The following TEKT5 variants were observed in gnomAD, a reference collection of about 807,000 sequenced individuals.
TEKT5 encodes tektin-5.
TEKT5 carries 52 observed loss-of-function variants against 48.7 expected under a neutral mutation model. The observed-to-expected ratio is 1.07, with a 90% CI of 0.86 to 1.35. The LOEUF (loss-of-function observed/expected upper bound fraction) is 1.35. Ranked by LOEUF, TEKT5 falls within the 40% of genes most tolerant of loss-of-function variation. The pLI is 0.00. For missense variants in TEKT5, 831 were observed against 641.6 expected (o/e 1.30, Z -3.19); for synonymous variants, 318 against 267.6 (o/e 1.19, Z -1.84).
At chr16:10,671,668 G>A (rs1268886904) in intron 5 of TEKT5, 1 of 152,190 alleles carries the variant, frequency 6.6e-6, no homozygotes, top group African/African-American at 2.4e-5. Context: ...ACATACCCAA[G>A]ACTGGGATAT....
At chr16:10,692,200 G>C (rs1331937658) in intron 1 of TEKT5, among the ~76,000 whole-genome samples, 1 of 152,160 alleles carries the variant, frequency 6.6e-6, no homozygotes, top group Non-Finnish European at 1.5e-5. Context: ...CAGACAGGAT[G>C]GGGGAGTGAG....
intron 5 of TEKT5, among the ~76,000 whole-genome samples, chr16:10,638,995 C>A (rs1403550930): frequency 2.6e-5 from 4 of 152,176 alleles, no homozygotes; most frequent in African/African-American, 9.7e-5. Context: ...ACATAAGGGT[C>A]CCAAAGGCAC....
At chr16:10,673,817 A>AT (rs1290037423) in intron 5 of TEKT5, among the ~76,000 whole-genome samples, 4 of 151,312 alleles carry the variant, frequency 2.6e-5, no homozygotes, top group African/African-American at 9.7e-5. Flanking sequence ...TGCCCAGCTG[A>AT]TTTTTTGTAT....
intron 5 of TEKT5, among the ~76,000 whole-genome samples, chr16:10,646,788 C>T (rs1898077322): frequency 6.6e-6 from 1 of 152,198 alleles, no homozygotes; most frequent in African/African-American, 2.4e-5. Flanking sequence ...AGGAAGGAGG[C>T]CAGCCCTTCA....
chr16:10,681,349 C>T (rs2719718), intron 4 of TEKT5, among the ~76,000 whole-genome samples: 1 of 151,462 alleles, frequency 6.6e-6, no homozygotes, highest in African/African-American at 2.4e-5. Flanking sequence ...TTTGAAGCCA[C>T]GTAGCCTGGC....
chr16:10,632,968 T>C (rs1897860282), intron 6 of TEKT5, among the ~76,000 whole-genome samples: 1 of 151,388 alleles, frequency 6.6e-6, no homozygotes, highest in Non-Finnish European at 1.5e-5. Flanking sequence ...TCTGTCCTCC[T>C]CAGTGGTATG....
Position 10,682,103 on chromosome 16 carries a change from C to T in TEKT5, c.753G>A (p.Arg251=), listed in dbSNP as rs1448960024. 1 of 1,613,978 alleles carries T rather than the reference C, an allele frequency of 6.2e-7. No homozygotes were observed. Among genetic ancestry groups the T allele is most frequent in the Non-Finnish European group, 8.5e-7 (1 of 1,180,018 alleles). Residue 251 remains arginine, a synonymous_variant, in exon 4 of 7, where the codon AGG becomes AGA. Transcript: ENST00000283025. ...GGGCCGAGCTTTTGTCTTCGAGGTC[C>T]CTCTCCAGCACGTGCTGAGCATCCC... The part of the protein sequence containing the change: ...DNRDAQHVLE[R]DLEDKSSAQC...
At chr16:10,683,676 C>T (rs1029132738) in intron 3 of TEKT5, among the ~76,000 whole-genome samples, 6 of 152,176 alleles carry the variant, frequency 3.9e-5, no homozygotes, top group African/African-American at 9.7e-5. Flanking sequence ...CTGCAACTTC[C>T]GCCTCCTGGG....
chr16:10,638,659 G>A (rs953740677), intron 5 of TEKT5, among the ~76,000 whole-genome samples: 3 of 152,220 alleles, frequency 2.0e-5, no homozygotes, highest in African/African-American at 2.4e-5. Flanking sequence ...TCACCTGCTA[G>A]AGATGCACCT....
intron 4 of TEKT5, among the ~76,000 whole-genome samples, chr16:10,678,867 A>C (rs762961298): frequency 6.6e-6 from 1 of 152,222 alleles, no homozygotes; most frequent in Non-Finnish European, 1.5e-5. Context: ...CTGCCTCCTC[A>C]GCAGGCAGTG....
chr16:10,631,569 A>C (rs1267961746), intron 6 of TEKT5, among the ~76,000 whole-genome samples: 3 of 152,122 alleles, frequency 2.0e-5, no homozygotes, highest in South Asian at 2.1e-4. Context: ...GTTATTAGGA[A>C]ATAGGGTCTT....
Position 10,681,965 on chromosome 16 carries a change from G to A in TEKT5, c.863+28C>T, listed in dbSNP as rs10221070. 3.1e-6 allele frequency: 5 copies of A among 1,609,882 alleles called. No individual in the cohort carries two copies. The Admixed American group carries it at 8.4e-5, about 27-fold the overall frequency. On this transcript the variant is annotated intron_variant, in intron 4 of 6. Coordinates refer to ENST00000283025, the MANE Select transcript of TEKT5 (RefSeq NM_144674.2). ...CCCTCACTCCAGTTGGACACGCCAG[G>A]GATGGGGAGGGGGAGTCTGATACTT...
intron 5 of TEKT5, among the ~76,000 whole-genome samples, chr16:10,650,894 A>C (rs576272177): frequency 8.0e-4 from 121 of 151,812 alleles, no homozygotes; most frequent in African/African-American, 2.8e-3. Flanking sequence ...AAAAAAAAAA[A>C]AAAAGCCACA....
chr16:10,675,444 G>C (rs1242056317), intron 5 of TEKT5, among the ~76,000 whole-genome samples: 1 of 152,280 alleles, frequency 6.6e-6, no homozygotes, highest in East Asian at 1.9e-4. Context: ...CACTGGTGTA[G>C]GCATAGCACG....
At chr16:10,690,089 G>T (rs918285989) in intron 1 of TEKT5, 64 bp from the exon 2 acceptor site, 3 of 1,542,274 alleles carry the variant, frequency 1.9e-6, no homozygotes, top group Non-Finnish European at 2.7e-6. Context: ...GAGCAGAAGG[G>T]ACTCACATCC....
chr16:10,671,329 C>T (rs952661063), intron 5 of TEKT5, among the ~76,000 whole-genome samples: 3 of 152,164 alleles, frequency 2.0e-5, no homozygotes, highest in Admixed American at 6.5e-5. Flanking sequence ...TTTGATCCAC[C>T]GTATGAGATG....
chr16:10,684,688 C>T (rs1294506346), intron 3 of TEKT5, among the ~76,000 whole-genome samples: 1 of 152,180 alleles, frequency 6.6e-6, no homozygotes, highest in Non-Finnish European at 1.5e-5. Flanking sequence ...CCTCAGAGTC[C>T]AGCGTGTCCA....
chr16:10,657,692 C>A (rs1180799295), intron 5 of TEKT5, among the ~76,000 whole-genome samples: 2 of 151,530 alleles, frequency 1.3e-5, no homozygotes, highest in Non-Finnish European at 2.9e-5. Flanking sequence ...CGGGTTCATG[C>A]CATTCTCCTG....
chr16:10,660,048 C>G (rs1898335808), intron 5 of TEKT5, among the ~76,000 whole-genome samples: 1 of 152,150 alleles, frequency 6.6e-6, no homozygotes, highest in Non-Finnish European at 1.5e-5. Context: ...CCTTCAGAAG[C>G]ATTTAATCCA....
Sources: gnomAD v4.1 joint callset for allele counts (sites outside exome capture counted in the v4.1 genomes callset) on GRCh38, gnomAD v4.1.1 for gene constraint, MANE v1.5 for transcripts, NCBI Gene and HGNC (gene_info 2026-07-23, HGNC 2026-07-21) for gene names.